The following TMCO4 variants were observed in gnomAD, a reference collection of about 807,000 sequenced individuals.
TMCO4 encodes the protein transmembrane and coiled-coil domains 4, also known as transmembrane and coiled-coil domain-containing protein 4.
In TMCO4, 58 loss-of-function variants were observed where a neutral mutation model predicts 64.7. The observed-to-expected ratio is 0.90, with a 90% CI of 0.73 to 1.12. The LOEUF (loss-of-function observed/expected upper bound fraction) is 1.12, where lower values mean the gene tolerates loss of function less well. Ranked by LOEUF, TMCO4 falls within the 50% of genes most tolerant of loss-of-function variation. TMCO4 has a pLI of 0.00. For missense variants in TMCO4, 780 were observed against 825.9 expected (o/e 0.94, Z 0.68); for synonymous variants, 325 against 346.1 (o/e 0.94, Z 0.68).
At chr1:19,772,979 C>T (rs2101032919) in intron 4 of TMCO4, among the ~76,000 whole-genome samples, 1 of 152,296 alleles carries the variant, frequency 6.6e-6, no homozygotes, top group East Asian at 1.9e-4. Flanking sequence ...CACCTGAGGT[C>T]AGGAGTTCGA....
intron 14 of TMCO4, among the ~76,000 whole-genome samples, chr1:19,698,690 T>G (rs1490684075): frequency 6.6e-6 from 1 of 152,158 alleles, no homozygotes; most frequent in East Asian, 1.9e-4. Context: ...TGATCTACAC[T>G]CTCTCTCCCC....
intron 12 of TMCO4, among the ~76,000 whole-genome samples, chr1:19,738,868 G>C (rs574921088): frequency 1.3e-5 from 2 of 152,300 alleles, no homozygotes; most frequent in African/African-American, 4.8e-5. Flanking sequence ...GCTAGGAATG[G>C]TCATGTGACT....
chr1:19,750,502 G>A (rs2041980429), intron 7 of TMCO4: 1 of 152,194 alleles, frequency 6.6e-6, no homozygotes. Flanking sequence ...CAGATGATGA[G>A]ACGGCACCAC....
intron 13 of TMCO4, among the ~76,000 whole-genome samples, chr1:19,721,083 C>T (rs968906202): frequency 1.3e-5 from 2 of 152,168 alleles, no homozygotes; most frequent in African/African-American, 2.4e-5. Flanking sequence ...TGCTCCTTTG[C>T]TGCAGAGGGT....
intron 12 of TMCO4, among the ~76,000 whole-genome samples, chr1:19,738,727 T>TGCTGC: frequency 6.6e-6 from 1 of 152,168 alleles, no homozygotes; most frequent in Admixed American, 6.5e-5. Context: ...GCTCAAGCAG[T>TGCTGC]TTAGCTGCAT....
intron 6 of TMCO4, among the ~76,000 whole-genome samples, chr1:19,757,729 T>C (rs190737868): frequency 6.6e-6 from 1 of 152,312 alleles, no homozygotes; most frequent in Non-Finnish European, 1.5e-5. Flanking sequence ...CATATCTTAC[T>C]AGACTGTAAG....
intron 13 of TMCO4, among the ~76,000 whole-genome samples, chr1:19,728,035 C>T (rs2095415862): frequency 2.0e-5 from 3 of 152,270 alleles, no homozygotes; most frequent in South Asian, 4.2e-4. Context: ...AGGGGAACAA[C>T]AGACACTGGT....
chr1:19,747,406 TGATG>T, intron 7 of TMCO4, 146 bp from the exon 8 acceptor site: 1 of 719,802 alleles, frequency 1.4e-6, no homozygotes, highest in Non-Finnish European at 2.4e-6. Flanking sequence ...TTGAGCCCAC[TGATG>T]GTTTAAAAAG....
intron 13 of TMCO4, among the ~76,000 whole-genome samples, chr1:19,711,112 C>T (rs1018052031): frequency 2.0e-5 from 3 of 152,200 alleles, no homozygotes; most frequent in Admixed American, 6.5e-5. Context: ...AAGCTGCAGG[C>T]GGTGAGCCAG....
chr1:19,775,603 T>C (rs1188889327), intron 4 of TMCO4, among the ~76,000 whole-genome samples: 1 of 152,250 alleles, frequency 6.6e-6, no homozygotes, highest in Non-Finnish European at 1.5e-5. Flanking sequence ...TGGCTGCTTT[T>C]GTGCTATCAC....
rs544410752 is a variant in TMCO4, at chr1:19,705,910, T to C, written c.1265-5025A>G. Among the ~76,000 whole-genome samples the C allele has an allele frequency of 2.6e-4, 40 of 152,230 alleles. 1 individual carries two copies. The South Asian group carries it at 7.9e-3, about 30-fold the overall frequency. On this transcript the variant is annotated intron_variant, in intron 13 of 15. Transcript: ENST00000294543. ...CTCGGGTACCACTTTTTAATTTAATTTAAATTTTGAGACAGGGTCTCCCTC... is the reference window on the plus strand; with the variant it reads ...CTCGGGTACCACTTTTTAATTTAATCTAAATTTTGAGACAGGGTCTCCCTC...
chr1:19,709,882 G>A (rs2095322618), intron 13 of TMCO4, among the ~76,000 whole-genome samples: 1 of 150,722 alleles, frequency 6.6e-6, no homozygotes, highest in South Asian at 2.1e-4. Flanking sequence ...TCCACCTCCT[G>A]GGTTCACGTG....
At chr1:19,700,067 C>T (rs577341452) in intron 14 of TMCO4, among the ~76,000 whole-genome samples, 1 of 152,312 alleles carries the variant, frequency 6.6e-6, no homozygotes, top group South Asian at 2.1e-4. Context: ...GATGGGGCTT[C>T]TACTCAGGCC....
At chr1:19,746,357 A>G in intron 9 of TMCO4, 99 bp downstream of exon 9, 1 of 1,528,576 alleles carries the variant, frequency 6.5e-7, no homozygotes, top group Admixed American at 2.0e-5. Flanking sequence ...TCTGTCTCCC[A>G]GGGAGTCACT....
intron 6 of TMCO4, among the ~76,000 whole-genome samples, chr1:19,764,987 A>C (rs970701614): frequency 2.0e-5 from 3 of 152,126 alleles, no homozygotes; most frequent in African/African-American, 7.2e-5. Flanking sequence ...TCCAGTAATA[A>C]ATACCAGGCC....
chr1:19,732,567 A>C lies in TMCO4; in HGVS notation c.1264+4805T>G, dbSNP rs2095434542. Among the ~76,000 whole-genome samples the C allele has an allele frequency of 6.6e-6, 1 of 152,138 alleles. No individual in the cohort carries two copies. Among genetic ancestry groups the C allele is most frequent in the Admixed American group, 6.5e-5 (1 of 15,274 alleles). Reference sequence around the variant, plus strand: ...GGCAGGGATGGGATGTTATGAAATAAGGAGGGAAACTATCAGGCTGATTAA... The same window carrying C: ...GGCAGGGATGGGATGTTATGAAATACGGAGGGAAACTATCAGGCTGATTAA... On this transcript the variant is annotated intron_variant, in intron 13 of 15. Coordinates refer to ENST00000294543, the MANE Select transcript of TMCO4 (RefSeq NM_181719.7). This position sits in a 1 kb window ranked among gnomAD's most constrained non-coding sequence, Gnocchi z 4.8.
chr1:19,799,543 C>T (rs1440956840), intron 1 of TMCO4, among the ~76,000 whole-genome samples: 1 of 152,252 alleles, frequency 6.6e-6, no homozygotes, highest in African/African-American at 2.4e-5. Flanking sequence ...AACTCGGAGG[C>T]CGAGGCCGGA....
intron 6 of TMCO4, among the ~76,000 whole-genome samples, chr1:19,756,810 A>G (rs1334298928): frequency 6.6e-6 from 1 of 152,104 alleles, no homozygotes; most frequent in East Asian, 1.9e-4. Flanking sequence ...TGGGCAACAT[A>G]GCAAGATCTC....
At chr1:19,711,646 G>C (rs1354994362) in intron 13 of TMCO4, among the ~76,000 whole-genome samples, 1 of 151,638 alleles carries the variant, frequency 6.6e-6, no homozygotes, top group Admixed American at 6.6e-5. Context: ...ACACCACCAT[G>C]CTGGGCTAAT....
Sources: gnomAD v4.1 joint callset for allele counts (sites outside exome capture counted in the v4.1 genomes callset) on GRCh38, gnomAD v4.1.1 for gene constraint, Gnocchi (gnomAD v3.1) non-coding constraint, MANE v1.5 for transcripts, NCBI Gene and HGNC (gene_info 2026-07-23, HGNC 2026-07-21) for gene names.